Variants in SNTG1 observed in about 807,000 individuals in gnomAD.
SNTG1 encodes the protein gamma-1-syntrophin.
In SNTG1, 39 loss-of-function variants were observed where a neutral mutation model predicts 74.7. That is an observed-to-expected ratio of 0.52 (90% CI 0.40 to 0.68). The LOEUF (loss-of-function observed/expected upper bound fraction) is 0.68. Among genes scored for constraint, SNTG1 ranks in the 30% least tolerant of loss-of-function variants. The pLI is 0.00. For synonymous variants in SNTG1, 254 were observed against 217.1 expected, an observed-to-expected ratio of 1.17 and a Z score of -1.49; for missense variants, 685 against 609.5, an observed-to-expected ratio of 1.12 and a Z score of -1.30.
In SNTG1 at chr8:50,259,511, AGAAAGAAAGAAAG is replaced by A. The variant is rs1270484927; in HGVS notation, c.-28+86877_-28+86889del. ...GAGACGCTGTCTCAAAAAAAAAAAA[AGAAAGAAAGAAAG>A]AAAGAAAGAAAGAAAGAAAGAAAGA... On this transcript the variant is annotated intron_variant, in intron 2 of 18. Transcript: ENST00000642720. Among the ~76,000 whole-genome samples, 8 of 96,610 alleles carry A rather than the reference AGAAAGAAAGAAAG, an allele frequency of 8.3e-5. 1 individual carries two copies. Among genetic ancestry groups the A allele is most frequent in the African/African-American group, 3.7e-4 (8 of 21,364 alleles). The allele number at this position is 96,610 out of a possible 152,430, so 63.4% of individuals were successfully genotyped here.
chr8:50,016,105 C>A (rs1220243112), intron 1 of SNTG1, among the ~76,000 whole-genome samples: 2 of 152,050 alleles, frequency 1.3e-5, no homozygotes, highest in African/African-American at 4.8e-5. Flanking sequence ...TGTAGTGGAT[C>A]AGACCGTCAG....
intron 18 of SNTG1, among the ~76,000 whole-genome samples, chr8:50,787,426 C>T (rs995670841): frequency 6.6e-6 from 1 of 151,762 alleles, no homozygotes; most frequent in African/African-American, 2.4e-5. Context: ...CTCATTTAAA[C>T]AAAAGTTCAA....
intron 1 of SNTG1, among the ~76,000 whole-genome samples, chr8:50,053,657 G>GTGTGTGTA (rs1554560656): frequency 6.7e-6 from 1 of 148,860 alleles, no homozygotes; most frequent in Non-Finnish European, 1.5e-5. Flanking sequence ...GTGTGTGTGT[G>GTGTGTGTA]TATAATCCAG....
intron 1 of SNTG1, among the ~76,000 whole-genome samples, chr8:49,958,935 G>C (rs1563396521): frequency 6.6e-6 from 1 of 152,188 alleles, no homozygotes; most frequent in South Asian, 2.1e-4. Context: ...AAAGCCTAAA[G>C]TATCTTGTGT....
At chr8:50,678,012 T>C (rs908047748) in intron 15 of SNTG1, among the ~76,000 whole-genome samples, 1 of 151,856 alleles carries the variant, frequency 6.6e-6, no homozygotes, top group African/African-American at 2.4e-5. Context: ...TTTAGTGGAC[T>C]GATCAATAGG....
chr8:50,244,101 T>C (rs1332073340), intron 2 of SNTG1, among the ~76,000 whole-genome samples: 1 of 152,054 alleles, frequency 6.6e-6, no homozygotes, highest in Admixed American at 6.5e-5. Flanking sequence ...CTTTTACTCA[T>C]AGCAGAAAGT....
intron 8 of SNTG1, among the ~76,000 whole-genome samples, chr8:50,474,244 C>G (rs1320097475): frequency 1.3e-5 from 2 of 151,954 alleles, no homozygotes; most frequent in East Asian, 3.9e-4. Flanking sequence ...TTAAACTAAA[C>G]AGCTTCTGCA....
intron 13 of SNTG1, among the ~76,000 whole-genome samples, chr8:50,597,260 A>G (rs1367264507): frequency 1.3e-5 from 2 of 150,284 alleles, no homozygotes; most frequent in East Asian, 1.9e-4. Flanking sequence ...ATTCCCTTGT[A>G]TAGCTGCAGA....
chr8:50,137,732 G>A (rs1033092175), intron 1 of SNTG1, among the ~76,000 whole-genome samples: 4 of 152,128 alleles, frequency 2.6e-5, no homozygotes, highest in African/African-American at 9.7e-5. Context: ...AAGATTCCAG[G>A]AGACGTCCAG....
chr8:50,013,236 T>C (rs1033756186), intron 1 of SNTG1, among the ~76,000 whole-genome samples: 1 of 152,112 alleles, frequency 6.6e-6, no homozygotes, highest in Non-Finnish European at 1.5e-5. Flanking sequence ...GACAGAGTGA[T>C]AAAAAGTTTA....
intron 2 of SNTG1, among the ~76,000 whole-genome samples, chr8:50,263,613 CT>C (rs2087307526): frequency 6.6e-6 from 1 of 151,948 alleles, no homozygotes; most frequent in South Asian, 2.1e-4. Context: ...AAATTTACTA[CT>C]AAAAAAGTAA....
intron 1 of SNTG1, among the ~76,000 whole-genome samples, chr8:49,977,828 G>T (rs939289523): frequency 6.6e-6 from 1 of 152,226 alleles, no homozygotes; most frequent in Non-Finnish European, 1.5e-5. Context: ...AAAGTTAGAA[G>T]GTCAGAAGAC....
intron 15 of SNTG1, among the ~76,000 whole-genome samples, chr8:50,665,404 G>GT (rs1428582893): frequency 6.6e-6 from 1 of 151,892 alleles, no homozygotes; most frequent in African/African-American, 2.4e-5. Flanking sequence ...TTTGTAGTGT[G>GT]TGTTTGTGTG....
intron 17 of SNTG1, among the ~76,000 whole-genome samples, chr8:50,729,887 G>C (rs1457528703): frequency 6.6e-6 from 1 of 152,128 alleles, no homozygotes; most frequent in Non-Finnish European, 1.5e-5. Context: ...GACTTCAACT[G>C]TGACCAAGGA....
chr8:50,036,104 C>A (rs1402110274), intron 1 of SNTG1, among the ~76,000 whole-genome samples: 1 of 152,144 alleles, frequency 6.6e-6, no homozygotes, highest in Non-Finnish European at 1.5e-5. Context: ...GTAAAATGTG[C>A]AACTATAAGA....
At chr8:49,974,514 C>G (rs148242059) in intron 1 of SNTG1, among the ~76,000 whole-genome samples, 19 of 152,232 alleles carry the variant, frequency 1.2e-4, no homozygotes, top group African/African-American at 4.1e-4. Context: ...TCAACTATTT[C>G]TCAAGATGAA....
intron 1 of SNTG1, among the ~76,000 whole-genome samples, chr8:50,023,757 AG>A (rs1437445468): frequency 6.6e-6 from 1 of 152,186 alleles, no homozygotes; most frequent in Non-Finnish European, 1.5e-5. Context: ...CAATATATTT[AG>A]TAAGTCAATC....
chr8:50,196,731 T>C (rs1586657438), intron 2 of SNTG1, among the ~76,000 whole-genome samples: 2 of 150,738 alleles, frequency 1.3e-5, no homozygotes, highest in Admixed American at 6.6e-5. Flanking sequence ...CTGAGGCCGG[T>C]GGATCACTTG....
chr8:50,133,564 A>C (rs905540650), intron 1 of SNTG1, among the ~76,000 whole-genome samples: 1 of 152,108 alleles, frequency 6.6e-6, no homozygotes, highest in African/African-American at 2.4e-5. Context: ...AACATCAGGG[A>C]GTCAACATAG....
Sources: allele counts gnomAD v4.1 joint callset (sites outside exome capture counted in the v4.1 genomes callset), GRCh38; gene constraint gnomAD v4.1.1; transcripts MANE v1.5; gene names NCBI Gene and HGNC (gene_info 2026-07-23, HGNC 2026-07-21).